ERBIN: variants seen among roughly 807,000 people sequenced by gnomAD.
The protein encoded by ERBIN is erbb2 interacting protein, also known as densin-180-like protein.
ERBIN carries 60 observed loss-of-function variants against 158.4 expected under a neutral mutation model. The ratio of observed to expected loss-of-function variants is 0.38; its 90% confidence interval spans 0.31 to 0.47. The LOEUF (loss-of-function observed/expected upper bound fraction) is 0.47. Ranked by LOEUF, ERBIN falls within the 20% of genes least tolerant of loss-of-function variation. The pLI is 0.99. For synonymous variants in ERBIN, 594 were observed against 557.2 expected, an observed-to-expected ratio of 1.07 and a Z score of -0.93; for missense variants, 1,610 against 1,648.0, an observed-to-expected ratio of 0.98 and a Z score of 0.40.
intron 15 of ERBIN, among the ~76,000 whole-genome samples, chr5:66,041,209 A>G (rs1757888058): frequency 6.6e-6 from 1 of 152,066 alleles, no homozygotes; most frequent in Non-Finnish European, 1.5e-5. Flanking sequence ...TTAAGGAACC[A>G]AAAGTTTACC....
intron 21 of ERBIN, among the ~76,000 whole-genome samples, chr5:66,060,242 C>T (rs55993368): frequency 1.2e-4 from 19 of 152,180 alleles, no homozygotes; most frequent in African/African-American, 4.3e-4. Flanking sequence ...TTCAGAGATT[C>T]AACTTCTTCC....
At chr5:65,968,813 G>A (rs1360470482) in intron 1 of ERBIN, among the ~76,000 whole-genome samples, 1 of 152,092 alleles carries the variant, frequency 6.6e-6, no homozygotes, top group Non-Finnish European at 1.5e-5. Context: ...CACCTGCCTC[G>A]GCCTCCCAAA....
At position 66,017,518 on chromosome 5, in the gene ERBIN, A is replaced by AT. The variant is rs35773988; in HGVS notation, c.533+2810dup. ...GATCTCTGGTGCATTTTACAATAGA[A>AT]TTTTTTTTTTTTTTTTTGCTATTGA... On this transcript the variant is annotated intron_variant, in intron 7 of 25. Transcript: ENST00000284037. Among the ~76,000 whole-genome samples the AT allele has an allele frequency of 2.3e-3, 307 of 135,390 alleles. 3 individuals carry two copies. Among genetic ancestry groups the AT allele is most frequent in the South Asian group, 8.3e-3 (35 of 4,232 alleles). The allele number at this position is 135,390 out of a possible 152,430, so 88.8% of individuals were successfully genotyped here.
intron 1 of ERBIN, among the ~76,000 whole-genome samples, chr5:65,962,888 A>G (rs1486856290): frequency 6.6e-6 from 1 of 152,182 alleles, no homozygotes; most frequent in Non-Finnish European, 1.5e-5. Context: ...GGATTGTTTC[A>G]TTTAGTCTAA....
intron 1 of ERBIN, among the ~76,000 whole-genome samples, chr5:65,950,266 A>G (rs1292164821): frequency 6.6e-6 from 1 of 152,002 alleles, no homozygotes; most frequent in Non-Finnish European, 1.5e-5. Context: ...TGTCCTCCCA[A>G]AGTGCTGGGA....
intron 1 of ERBIN, among the ~76,000 whole-genome samples, chr5:65,963,552 C>G (rs987722894): frequency 1.3e-5 from 2 of 151,816 alleles, no homozygotes; most frequent in Non-Finnish European, 2.9e-5. Context: ...GAGCTGAGAT[C>G]GTGCCATTGC....
intron 4 of ERBIN, among the ~76,000 whole-genome samples, chr5:66,003,528 A>T (rs993274531): frequency 1.3e-5 from 2 of 152,194 alleles, no homozygotes; most frequent in African/African-American, 4.8e-5. Flanking sequence ...TAATCAGTAA[A>T]CAATACATCA....
At chr5:66,014,009 G>A (rs1754468069) in intron 6 of ERBIN, among the ~76,000 whole-genome samples, 2 of 151,982 alleles carry the variant, frequency 1.3e-5, no homozygotes, top group African/African-American at 4.8e-5. Context: ...TCTGTTTCTG[G>A]GGGCGACCTC....
chr5:66,024,555 C>T (rs1428835409), intron 10 of ERBIN, 105 bp downstream of exon 10: 8 of 1,101,920 alleles, frequency 7.3e-6, no homozygotes, highest in Middle Eastern at 3.0e-4. Context: ...TTCGTTACCA[C>T]AGGAACGGAT....
rs111615795 is a variant in ERBIN at position 66,041,913 on chromosome 5, A to T, written c.1307-1164A>T. On this transcript the variant is annotated intron_variant, in intron 15 of 25. Transcript: ENST00000284037. ...TCATTGAGTACGTGTTAAGCAATTTAAAAAAGCAATTATAAGGGAAAAAAA... is the reference window on the plus strand; with the variant it reads ...TCATTGAGTACGTGTTAAGCAATTTTAAAAAGCAATTATAAGGGAAAAAAA... Among the ~76,000 whole-genome samples, 369 of 152,158 alleles carry T rather than the reference A, an allele frequency of 2.4e-3. 2 individuals carry two copies. The highest frequency in any genetic ancestry group is 8.3e-3 in the African/African-American group (345 of 41,556).
intron 14 of ERBIN, among the ~76,000 whole-genome samples, chr5:66,032,407 G>A (rs904522881): frequency 6.6e-6 from 1 of 152,208 alleles, no homozygotes; most frequent in East Asian, 1.9e-4. Context: ...GGACACTTTC[G>A]GGGGAGTGAA....
At chr5:66,009,344 A>G (rs1385966279) in intron 4 of ERBIN, among the ~76,000 whole-genome samples, 2 of 152,348 alleles carry the variant, frequency 1.3e-5, no homozygotes, top group East Asian at 3.9e-4. Flanking sequence ...CAATAATGTT[A>G]AGTATTTTGT....
rs538972832 is a variant in ERBIN, at chr5:65,948,066, G to A, written c.-58+21260G>A. Among the ~76,000 whole-genome samples, 7 of 151,638 alleles carry A rather than the reference G, an allele frequency of 4.6e-5. No individual in the cohort carries two copies. In the South Asian group the frequency reaches 1.5e-3, roughly 31 times the overall value. On this transcript the variant is annotated intron_variant, in intron 1 of 25. Transcript: ENST00000284037. ...TAATGTGCACATTGTTTATGTAAGA[G>A]CTATTGAATAATGAATGGACAGTGT...
chr5:65,927,316 C>A (rs1742778682), intron 1 of ERBIN, among the ~76,000 whole-genome samples: 1 of 152,018 alleles, frequency 6.6e-6, no homozygotes, highest in Non-Finnish European at 1.5e-5. Flanking sequence ...ATTTCCAACC[C>A]TGATCAGTAT....
At chr5:65,968,406 T>G (rs1748897530) in intron 1 of ERBIN, among the ~76,000 whole-genome samples, 1 of 152,088 alleles carries the variant, frequency 6.6e-6, no homozygotes, top group South Asian at 2.1e-4. Flanking sequence ...AGTACTAGAG[T>G]AGCATTCAGC....
At position 66,079,730 on chromosome 5, in the gene ERBIN, C is replaced by A. The variant is rs1430190877; in HGVS notation, c.*1200C>A. ...AAGGTGTTCAAATAAAGGGCTGTTT[C>A]TACAGGTAACATTAAATGTGAACTC... On this transcript the variant is annotated 3_prime_UTR_variant, in exon 26 of 26. Transcript: ENST00000284037. The A allele has an allele frequency of 6.6e-6, 1 of 152,538 alleles. No homozygotes were observed. 9.4% of individuals were successfully genotyped at this position (152,538 alleles called of 1,614,324 possible).
chr5:65,948,132 A>G (rs1746023379), intron 1 of ERBIN, among the ~76,000 whole-genome samples: 1 of 151,932 alleles, frequency 6.6e-6, no homozygotes, highest in African/African-American at 2.4e-5. Context: ...ATAGCTGTCA[A>G]GATCTTTTTC....
intron 21 of ERBIN, among the ~76,000 whole-genome samples, chr5:66,057,129 A>T (rs923284522): frequency 1.3e-5 from 2 of 152,216 alleles, no homozygotes; most frequent in African/African-American, 2.4e-5. Context: ...AAAATTTTTT[A>T]AAAAGCATTT....
At chr5:66,023,087 A>G (rs958394554) in intron 8 of ERBIN, 23 of 417,038 alleles carry the variant, frequency 5.5e-5, no homozygotes, top group Non-Finnish European at 7.9e-5. Context: ...ATAATTTTCT[A>G]TAATAATTTT....
Sources: gnomAD v4.1 joint callset for allele counts (sites outside exome capture counted in the v4.1 genomes callset) on GRCh38, gnomAD v4.1.1 for gene constraint, MANE v1.5 for transcripts, NCBI Gene and HGNC (gene_info 2026-07-23, HGNC 2026-07-21) for gene names.